Variants in TRAK2 observed in about 807,000 individuals in gnomAD.
TRAK2 encodes trafficking kinesin protein 2.
TRAK2 carries 81 observed loss-of-function variants against 104.6 expected under a neutral mutation model. The observed-to-expected ratio is 0.77, with a 90% CI of 0.65 to 0.93. The LOEUF (loss-of-function observed/expected upper bound fraction) is 0.93, where lower values mean the gene tolerates loss of function less well. Among genes scored for constraint, TRAK2 ranks in the 40% least tolerant of loss-of-function variants. The probability of loss-of-function intolerance (pLI) is 0.00; values close to 1 mark genes in which losing one functional copy is unlikely to be tolerated. For synonymous variants in TRAK2, 406 were observed against 394.4 expected (o/e 1.03, Z -0.35); for missense variants, 1,002 against 1,089.0 (o/e 0.92, Z 1.12).
intron 1 of TRAK2, chr2:201,423,446 G>A (rs1379046875): frequency 6.6e-6 from 1 of 152,140 alleles, no homozygotes; most frequent in African/African-American, 2.4e-5. Context: ...GGAGAGGGGA[G>A]AATAGGGAGT....
chr2:201,381,211 ACC>A lies in TRAK2; in HGVS notation c.2075_2076del (p.Gly692ValfsTer9). 2 of 1,561,810 alleles carry A rather than the reference ACC, an allele frequency of 1.3e-6. No individual in the cohort carries two copies. Among genetic ancestry groups the A allele is most frequent in the Admixed American group, 2.0e-5 (1 of 50,740 alleles). On this transcript the variant is annotated frameshift_variant, in exon 16 of 16. Transcript: ENST00000332624. LOFTEE classifies it high-confidence loss of function. Reference protein sequence around the residue: ...SDITQVTPSSGFPSLSCGSSG... With the variant: ...SDITQVTPSSXFPSLSCGSSG... ...CTACTTCCACAGGATAATGAAGGGA[ACC>A]CAGAGCTTAAAAAAAAAAAAAAAAA...
At chr2:201,442,958 A>T (rs1359924675) in intron 1 of TRAK2, among the ~76,000 whole-genome samples, 1 of 152,194 alleles carries the variant, frequency 6.6e-6, no homozygotes, top group African/African-American at 2.4e-5. Context: ...AAAGTAATTA[A>T]ATATAACTCA....
At chr2:201,408,673 A>G (rs1951617844) in intron 2 of TRAK2, among the ~76,000 whole-genome samples, 1 of 152,198 alleles carries the variant, frequency 6.6e-6, no homozygotes, top group East Asian at 1.9e-4. Flanking sequence ...GAATAATTGG[A>G]TATATACTTT....
chr2:201,389,267 A>G (rs1264133573), intron 12 of TRAK2, 33 bp downstream of exon 12: 3 of 1,593,658 alleles, frequency 1.9e-6, no homozygotes, highest in Admixed American at 1.7e-5. Flanking sequence ...TGTGAAAAGA[A>G]ATGCAGAATC....
rs190395497 is a variant in TRAK2, at chr2:201,390,357, A to C, written c.1114-477T>G. ...CAGGAGATCGAGACCATCCTGGCTA[A>C]CATGGTGAAACCCTGTCTCTACTAA... On this transcript the variant is annotated intron_variant, in intron 10 of 15. Coordinates refer to ENST00000332624, the MANE Select transcript of TRAK2 (RefSeq NM_015049.3). Among the ~76,000 whole-genome samples, 202 of 150,772 alleles carry C rather than the reference A, an allele frequency of 1.3e-3. 1 individual carries two copies. The highest frequency in any genetic ancestry group is 4.8e-3 in the African/African-American group (196 of 41,130).
intron 3 of TRAK2, among the ~76,000 whole-genome samples, chr2:201,406,741 A>C (rs1175143838): frequency 6.6e-6 from 1 of 152,224 alleles, no homozygotes; most frequent in East Asian, 1.9e-4. Context: ...TTTTTAGAAA[A>C]GTAATTTCAG....
At chr2:201,396,058 C>T (rs1005592423) in intron 7 of TRAK2, among the ~76,000 whole-genome samples, 7 of 152,074 alleles carry the variant, frequency 4.6e-5, no homozygotes, top group Admixed American at 6.6e-5. Flanking sequence ...AAAATAGAGC[C>T]TTTAGAATTC....
chr2:201,432,449 A>T (rs1951849621), intron 1 of TRAK2, among the ~76,000 whole-genome samples: 1 of 152,220 alleles, frequency 6.6e-6, no homozygotes, highest in Non-Finnish European at 1.5e-5. Context: ...ACAACCAATC[A>T]GGCATGTATC....
intron 1 of TRAK2, among the ~76,000 whole-genome samples, chr2:201,434,986 G>A (rs1264961477): frequency 6.6e-6 from 1 of 152,176 alleles, no homozygotes; most frequent in Non-Finnish European, 1.5e-5. Context: ...AAATAAGATA[G>A]CTCAAAAATA....
chr2:201,420,487 T>C lies in TRAK2; in HGVS notation c.21A>G (p.Ala7=). The change falls in exon 2 of 16, where the codon GCA becomes GCG. Residue 7 remains alanine (A), a synonymous_variant. Transcript: ENST00000332624. MSQSQN[A]IFTSPTGEEN... ...CTTCACCTGTTGGTGATGTAAAAAT[T>C]GCATTCTGGGATTGACTCATGCAGG... The C allele has an allele frequency of 6.2e-7, 1 of 1,614,128 alleles. No individual in the cohort carries two copies. Among genetic ancestry groups the C allele is most frequent in the Non-Finnish European group, 8.5e-7 (1 of 1,179,978 alleles).
intron 1 of TRAK2, among the ~76,000 whole-genome samples, chr2:201,424,513 A>G (rs1951769635): frequency 6.6e-6 from 1 of 152,138 alleles, no homozygotes; most frequent in Admixed American, 6.5e-5. Context: ...ACTATGCACT[A>G]GTGTATAACA....
In TRAK2 at chr2:201,378,678, G is replaced by A. The variant is rs1951310514; in HGVS notation, c.*1865C>T. 1 of 152,134 alleles carries A rather than the reference G, an allele frequency of 6.6e-6. No homozygotes were observed. Among genetic ancestry groups the A allele is most frequent in the Non-Finnish European group, 1.5e-5 (1 of 68,030 alleles). 9.4% of individuals were successfully genotyped at this position (152,134 alleles called of 1,614,324 possible). ...CTTATATTCACATATAAACCTGCTGGAATCCTTTCTGAAACTCTACACTCT... is the reference window on the plus strand; with the variant it reads ...CTTATATTCACATATAAACCTGCTGAAATCCTTTCTGAAACTCTACACTCT... On this transcript the variant is annotated 3_prime_UTR_variant, in exon 16 of 16. Coordinates refer to ENST00000332624, the MANE Select transcript of TRAK2 (RefSeq NM_015049.3).
chr2:201,427,363 C>A (rs906970956), intron 1 of TRAK2, among the ~76,000 whole-genome samples: 1 of 149,380 alleles, frequency 6.7e-6, no homozygotes, highest in Non-Finnish European at 1.5e-5. Flanking sequence ...GTGATATTCC[C>A]CACTGTGTCC....
chr2:201,402,307 T>C (rs1174582166), intron 3 of TRAK2, among the ~76,000 whole-genome samples: 2 of 152,014 alleles, frequency 1.3e-5, no homozygotes, highest in Non-Finnish European at 2.9e-5. Flanking sequence ...GGGATATCAT[T>C]AGATATGTTT....
rs1428366160 is a variant in TRAK2 at position 201,379,170 on chromosome 2, T to C, written c.*1373A>G. 3 of 152,228 alleles carry C rather than the reference T, an allele frequency of 2.0e-5. No homozygotes were observed. The East Asian group carries it at 5.8e-4, about 29-fold the overall frequency. 9.4% of individuals were successfully genotyped at this position (152,228 alleles called of 1,614,324 possible). ...GTGCTGTCTAGACAAAGCCACGTCA[T>C]CTGATGAGAAGCAGACTTTGCTCAG... On this transcript the variant is annotated 3_prime_UTR_variant, in exon 16 of 16. Coordinates refer to ENST00000332624, the MANE Select transcript of TRAK2 (RefSeq NM_015049.3).
intron 2 of TRAK2, chr2:201,411,256 C>T (rs1270793657): frequency 5.4e-6 from 4 of 734,244 alleles, no homozygotes; most frequent in Non-Finnish European, 1.0e-5. Flanking sequence ...AACTTCTATG[C>T]CTGCTCTTGT....
In TRAK2 at chr2:201,423,459, T is replaced by C. The variant is rs373463610; in HGVS notation, c.-199-2753A>G. The C allele has an allele frequency of 4.6e-5, 7 of 152,316 alleles. No homozygotes were observed. The East Asian group carries it at 5.8e-4, about 13-fold the overall frequency. The allele number at this position is 152,316 out of a possible 1,614,324, so 9.4% of individuals were successfully genotyped here. A position where few individuals can be genotyped will look rare whatever the true frequency, so the allele number is the denominator to read the frequency against. On this transcript the variant is annotated intron_variant, in intron 1 of 15. Coordinates refer to ENST00000332624, the MANE Select transcript of TRAK2 (RefSeq NM_015049.3). ...AGGGAGAGGGGAGAATAGGGAGTGA[T>C]TGCTTAATGCGTATGGGGATTCCTT...
intron 2 of TRAK2, chr2:201,412,788 T>A (rs1160500524): frequency 1.7e-6 from 2 of 1,150,964 alleles, no homozygotes; most frequent in East Asian, 2.3e-5. Context: ...TATTTCCATG[T>A]ACCATTTTCA....
At chr2:201,444,716 AAGG>A (rs1284166971) in intron 1 of TRAK2, among the ~76,000 whole-genome samples, 2 of 151,834 alleles carry the variant, frequency 1.3e-5, no homozygotes, top group East Asian at 3.9e-4. Flanking sequence ...TTAGAGAACA[AAGG>A]TAGGCAGAGG....
Sources: gnomAD v4.1 joint callset for allele counts (sites outside exome capture counted in the v4.1 genomes callset) on GRCh38, gnomAD v4.1.1 for gene constraint, MANE v1.5 for transcripts, NCBI Gene and HGNC (gene_info 2026-07-23, HGNC 2026-07-21) for gene names.